FOXP2: variants seen among roughly 807,000 people sequenced by gnomAD.
FOXP2 encodes the protein forkhead box protein P2.
A neutral mutation model predicts 115.8 loss-of-function variants in FOXP2; 12 were observed. That is an observed-to-expected ratio of 0.10 (90% CI 0.07 to 0.17). The LOEUF (loss-of-function observed/expected upper bound fraction) is 0.17, where lower values mean the gene tolerates loss of function less well. Ranked by LOEUF, FOXP2 falls within the 10% of genes least tolerant of loss-of-function variation. FOXP2 has a pLI of 1.00. For synonymous variants in FOXP2, 328 were observed against 297.7 expected, an observed-to-expected ratio of 1.10 and a Z score of -1.05; for missense variants, 629 against 843.5, an observed-to-expected ratio of 0.75 and a Z score of 3.15.
intron 2 of FOXP2, among the ~76,000 whole-genome samples, chr7:114,453,019 G>C (rs1795136161): frequency 6.6e-6 from 1 of 151,946 alleles, no homozygotes; most frequent in African/African-American, 2.4e-5. Flanking sequence ...AATAAATATT[G>C]AGCTTCTGTT....
upstream of FOXP2, among the ~76,000 whole-genome samples, chr7:114,160,123 C>G (rs949070553): frequency 5.3e-5 from 8 of 152,028 alleles, no homozygotes; most frequent in Non-Finnish European, 1.2e-4. Flanking sequence ...AGTTATGGCA[C>G]AGAAAGGTGA....
intron 6 of FOXP2, among the ~76,000 whole-genome samples, chr7:114,633,631 G>A (rs578080410): frequency 2.3e-4 from 35 of 152,262 alleles, no homozygotes; most frequent in South Asian, 1.0e-3. Context: ...CACACAAACC[G>A]GCATCATTGT....
intron 1 of FOXP2, among the ~76,000 whole-genome samples, chr7:114,119,937 T>C (rs1035066866): frequency 6.6e-6 from 1 of 152,158 alleles, no homozygotes; most frequent in Non-Finnish European, 1.5e-5. Flanking sequence ...TTACAAGCTC[T>C]TGGGTAATAC....
intron 3 of FOXP2, among the ~76,000 whole-genome samples, chr7:114,548,482 A>T (rs531440951): frequency 5.2e-4 from 79 of 152,264 alleles, no homozygotes; most frequent in Middle Eastern, 3.4e-3. Context: ...GACTCATGGG[A>T]CCCTAGGGAT....
At chr7:114,305,448 A>G (rs1796990373) in intron 2 of FOXP2, among the ~76,000 whole-genome samples, 1 of 152,204 alleles carries the variant, frequency 6.6e-6, no homozygotes, top group South Asian at 2.1e-4. Context: ...AAATGCACTG[A>G]AAATTCTGTA....
rs748232197 is a variant in FOXP2 at position 114,642,361 on chromosome 7, A to C, written c.776-49A>C. The C allele has an allele frequency of 2.5e-5, 37 of 1,457,858 alleles. No homozygotes were observed. The South Asian group carries it at 4.0e-4, about 16-fold the overall frequency. 90.3% of individuals were successfully genotyped at this position (1,457,858 alleles called of 1,614,324 possible). A position where few individuals can be genotyped will look rare whatever the true frequency, so the allele number is the denominator to read the frequency against. ...TAATAACACAAAGCTCATTATATAA[A>C]CTTTACCTTTACCTTGTTATGCTAG... On this transcript the variant is annotated intron_variant, in intron 6 of 16. Transcript: ENST00000350908.
At position 114,689,955 on chromosome 7, in the gene FOXP2, G is replaced by A. The variant is rs765394543; in HGVS notation, c.*29G>A. 3.1e-6 allele frequency: 5 copies of A among 1,611,448 alleles called. No individual in the cohort carries two copies. The highest frequency in any genetic ancestry group is 3.4e-6 in the Non-Finnish European group (4 of 1,178,832). Reference sequence around the variant, plus strand: ...CTGACTTGTGAAACCTCAGCGTGAAGGGACATATCACTGACCTTCATAACC... The same window carrying A: ...CTGACTTGTGAAACCTCAGCGTGAAAGGACATATCACTGACCTTCATAACC... On this transcript the variant is annotated 3_prime_UTR_variant, in exon 17 of 17. Transcript: ENST00000350908.
intron 1 of FOXP2, among the ~76,000 whole-genome samples, chr7:114,172,120 G>A (rs966108995): frequency 3.0e-4 from 46 of 152,226 alleles, no homozygotes; most frequent in Middle Eastern, 3.4e-3. Flanking sequence ...GTTAAGGCGT[G>A]TACATTTTTT....
intron 1 of FOXP2, among the ~76,000 whole-genome samples, chr7:114,181,807 G>A (rs1793464387): frequency 6.6e-6 from 1 of 152,028 alleles, no homozygotes; most frequent in Admixed American, 6.6e-5. Context: ...ATGATAAGAA[G>A]TGACTTAACC....
intron 1 of FOXP2, among the ~76,000 whole-genome samples, chr7:114,422,814 A>G (rs1405444208): frequency 2.0e-5 from 3 of 151,736 alleles, no homozygotes; most frequent in East Asian, 1.9e-4. Flanking sequence ...ATCTCACATG[A>G]TACAGTTTTA....
At chr7:114,103,390 C>T (rs1421232534) in intron 1 of FOXP2, among the ~76,000 whole-genome samples, 4 of 152,060 alleles carry the variant, frequency 2.6e-5, no homozygotes, top group African/African-American at 9.7e-5. Context: ...TATTTATTTA[C>T]AGTGGCTCTT....
chr7:114,275,878 G>A (rs566708025), intron 1 of FOXP2, among the ~76,000 whole-genome samples: 1 of 152,144 alleles, frequency 6.6e-6, no homozygotes, highest in African/African-American at 2.4e-5. Flanking sequence ...GTCTTTTAGT[G>A]AGCTTATGAC....
chr7:114,299,617 G>A (rs150403801), intron 2 of FOXP2, among the ~76,000 whole-genome samples: 3,509 of 151,792 alleles, frequency 0.023, 87 homozygotes, highest in African/African-American at 0.055. Context: ...CAACTGGGAT[G>A]GTAACTTTCT....
At chr7:114,520,395 C>T (rs1798558281) in intron 2 of FOXP2, among the ~76,000 whole-genome samples, 1 of 151,888 alleles carries the variant, frequency 6.6e-6, no homozygotes, top group African/African-American at 2.4e-5. Context: ...TAGTATGTAA[C>T]ATAATGAAAA....
intron 3 of FOXP2, among the ~76,000 whole-genome samples, chr7:114,567,808 C>T (rs1199699389): frequency 1.3e-5 from 2 of 151,996 alleles, no homozygotes; most frequent in Non-Finnish European, 2.9e-5. Flanking sequence ...TACCAACATT[C>T]TGTCTCTGCC....
chr7:114,474,652 T>G (rs1409840518), intron 2 of FOXP2, among the ~76,000 whole-genome samples: 1 of 152,176 alleles, frequency 6.6e-6, no homozygotes, highest in African/African-American at 2.4e-5. Context: ...TAGGGAATTT[T>G]TACCAAAGGA....
chr7:114,532,247 G>A (rs1234615864), intron 2 of FOXP2, among the ~76,000 whole-genome samples: 2 of 151,842 alleles, frequency 1.3e-5, no homozygotes, highest in South Asian at 4.1e-4. Context: ...AGGATGATGA[G>A]GGCAGTAGCC....
chr7:114,479,534 A>G (rs1796430739), intron 2 of FOXP2, among the ~76,000 whole-genome samples: 1 of 148,164 alleles, frequency 6.7e-6, no homozygotes, highest in South Asian at 2.1e-4. Flanking sequence ...TAGAAGAGAT[A>G]TTTGAGGAAA....
chr7:114,430,660 T>G (rs940881436), intron 2 of FOXP2, among the ~76,000 whole-genome samples: 1 of 151,906 alleles, frequency 6.6e-6, no homozygotes, highest in Non-Finnish European at 1.5e-5. Flanking sequence ...TTGGATTTAT[T>G]GTTCATTGTA....
Sources: allele counts gnomAD v4.1 joint callset (sites outside exome capture counted in the v4.1 genomes callset), GRCh38; gene constraint gnomAD v4.1.1; transcripts MANE v1.5; gene names NCBI Gene and HGNC (gene_info 2026-07-23, HGNC 2026-07-21).